ATP8B1: variants seen among roughly 807,000 people sequenced by gnomAD.
The protein encoded by ATP8B1 is ATPase phospholipid transporting 8B1.
Under a neutral mutation model 149.9 loss-of-function variants are expected in ATP8B1, and 80 were observed. The observed-to-expected ratio is 0.53, with a 90% CI of 0.45 to 0.64. ATP8B1 has a LOEUF of 0.64. Among genes scored for constraint, ATP8B1 ranks in the 30% least tolerant of loss-of-function variants. The pLI, the probability that ATP8B1 is intolerant of heterozygous loss-of-function variation, is 0.00. For missense variants in ATP8B1, 1,247 were observed against 1,552.6 expected, an observed-to-expected ratio of 0.80 and a Z score of 3.31; for synonymous variants, 536 against 562.8, an observed-to-expected ratio of 0.95 and a Z score of 0.67.
chr18:57,668,450 C>A lies in ATP8B1; in HGVS notation c.2188G>T (p.Val730Leu). ...KLAKADIKIW[V>L]LTGDKKETAE... ...TTACCCTTTTTGTCTCCAGTAAGCA[C>A]CCAGATCTTAATGTCAGCTTTTGCA... The change falls in exon 19 of 28, where the codon GTG becomes TTG. Residue 730 changes from valine (V) to leucine (L), a missense_variant. By Grantham distance (32) the Val-to-Leu change is conservative (BLOSUM62 1). This residue lies in a region of ATP8B1 where 853 missense variants were observed against 1,035.7 expected (regional missense o/e 0.82). Coordinates refer to ENST00000648908, the MANE Select transcript of ATP8B1 (RefSeq NM_001374385.1). 1 of 1,609,292 alleles carries A rather than the reference C, an allele frequency of 6.2e-7. No homozygotes were observed. The highest frequency in any genetic ancestry group is 8.5e-7 in the Non-Finnish European group (1 of 1,176,898).
intron 3 of ATP8B1, among the ~76,000 whole-genome samples, chr18:57,705,722 A>G (rs1913356819): frequency 6.6e-6 from 1 of 152,226 alleles, no homozygotes; most frequent in African/African-American, 2.4e-5. Flanking sequence ...GCCAACACCA[A>G]GATTTCAGAC....
At position 57,684,076 on chromosome 18, in the gene ATP8B1, C is replaced by G; in HGVS notation, c.1590G>C (p.Leu530Phe). 6.2e-7 allele frequency: 1 copy of G among 1,614,116 alleles called. No individual in the cohort carries two copies. The highest frequency in any genetic ancestry group is 8.5e-7 in the Non-Finnish European group (1 of 1,180,030). The change falls in exon 15 of 28, where the codon TTG (leucine) becomes TTC (phenylalanine). Residue 530 changes from leucine (L) to phenylalanine (F), a missense_variant. Physicochemically the swap from Leu to Phe is conservative, Grantham distance 22. Coordinates refer to ENST00000648908, the MANE Select transcript of ATP8B1 (RefSeq NM_001374385.1). The stretch of plus-strand genomic sequence containing the variant: ...CCATGACTGTGTGGCAAACTGCGAG[C>G]AAGAAGAAGAACTGTCGTACTTCTG... ...KEPEVRQFFF[L>F]LAVCHTVMVD...
At chr18:57,674,721 C>G in intron 16 of ATP8B1, 113 bp downstream of exon 16, 3 of 1,261,418 alleles carry the variant, frequency 2.4e-6, no homozygotes, top group African/African-American at 1.5e-5. Context: ...CAGAAATCTC[C>G]CAGGAGCCAA....
At position 57,733,502 on chromosome 18, in the gene ATP8B1, C is replaced by G. The variant is rs1266989823; in HGVS notation, c.-25-1670G>C. Among the ~76,000 whole-genome samples, 5 of 151,982 alleles carry G rather than the reference C, an allele frequency of 3.3e-5. No individual in the cohort carries two copies. The South Asian group carries it at 1.0e-3, about 32-fold the overall frequency. On this transcript the variant is annotated intron_variant, in intron 1 of 27. Transcript: ENST00000648908. ...TGGGCGGATCACGAGGTCAGGAGAT[C>G]GAGACCATCCTGGCTAACACAGTGA...
At chr18:57,668,694 C>T (rs1409922750) in intron 18 of ATP8B1, 154 bp from the exon 19 acceptor site, 24 of 585,930 alleles carry the variant, frequency 4.1e-5, no homozygotes, top group Non-Finnish European at 1.2e-5. Context: ...ACAGGGAAGG[C>T]TGCCATGTTT....
chr18:57,774,813 C>A (rs2080293182), intron 1 of ATP8B1, among the ~76,000 whole-genome samples: 1 of 152,164 alleles, frequency 6.6e-6, no homozygotes, highest in African/African-American at 2.4e-5. Flanking sequence ...TAAGCCCTCA[C>A]CTCTTTTGCC....
At chr18:57,739,584 T>A (rs2079890581) in intron 1 of ATP8B1, among the ~76,000 whole-genome samples, 1 of 152,180 alleles carries the variant, frequency 6.6e-6, no homozygotes. Flanking sequence ...TTCAATAAAG[T>A]CTTCAAGGGC....
chr18:57,705,272 T>C (rs970022520), intron 3 of ATP8B1, among the ~76,000 whole-genome samples: 2 of 152,208 alleles, frequency 1.3e-5, no homozygotes, highest in Admixed American at 1.3e-4. Flanking sequence ...AGGGTAAAGG[T>C]AGACAACAAC....
chr18:57,759,826 A>G (rs1171591663), intron 1 of ATP8B1, among the ~76,000 whole-genome samples: 1 of 57,326 alleles, frequency 1.7e-5, no homozygotes, highest in East Asian at 2.2e-4. Context: ...CTCGGGAAAG[A>G]AAAAAAAAAA....
chr18:57,765,772 G>C (rs982254516), intron 1 of ATP8B1, among the ~76,000 whole-genome samples: 2 of 151,750 alleles, frequency 1.3e-5, no homozygotes, highest in Non-Finnish European at 2.9e-5. Flanking sequence ...AGGAGTTAGA[G>C]ACCAGTCTGG....
intron 22 of ATP8B1, among the ~76,000 whole-genome samples, chr18:57,658,859 T>C (rs1910197808): frequency 6.6e-6 from 1 of 152,066 alleles, no homozygotes; most frequent in Non-Finnish European, 1.5e-5. Context: ...ATTGATGTGG[T>C]TGGAAGAAAT....
intron 1 of ATP8B1, among the ~76,000 whole-genome samples, chr18:57,764,757 CAAAAAAAAA>C (rs71171091): frequency 1.7e-3 from 172 of 104,156 alleles, no homozygotes; most frequent in Non-Finnish European, 2.7e-3. Context: ...TTTCAGTTGT[CAAAAAAAAA>C]AAAAAAAAAA....
intron 20 of ATP8B1, among the ~76,000 whole-genome samples, chr18:57,666,834 C>T (rs1309006421): frequency 2.0e-5 from 3 of 152,178 alleles, no homozygotes; most frequent in Non-Finnish European, 4.4e-5. Context: ...CTGCGCCTGG[C>T]CTGAGCTGAG....
chr18:57,665,456 A>G (rs1910788643), intron 20 of ATP8B1, among the ~76,000 whole-genome samples: 1 of 152,224 alleles, frequency 6.6e-6, no homozygotes. Flanking sequence ...AGCCCCATCT[A>G]CAAAAAATAA....
At chr18:57,798,836 G>A (rs1318403327) in intron 1 of ATP8B1, among the ~76,000 whole-genome samples, 5 of 152,136 alleles carry the variant, frequency 3.3e-5, no homozygotes, top group Non-Finnish European at 7.4e-5. Context: ...CAACAGTGTA[G>A]ATCGGAGACT....
chr18:57,720,529 G>A (rs1290965289), intron 2 of ATP8B1, among the ~76,000 whole-genome samples: 4 of 123,074 alleles, frequency 3.3e-5, no homozygotes, highest in Non-Finnish European at 6.8e-5. Context: ...AATGAAGCGA[G>A]AAGGGAACTT....
chr18:57,758,908 A>G (rs936587431), intron 1 of ATP8B1, among the ~76,000 whole-genome samples: 2 of 152,076 alleles, frequency 1.3e-5, no homozygotes, highest in African/African-American at 4.8e-5. Flanking sequence ...CTGTAATCCC[A>G]GCACTTTGGG....
At chr18:57,738,238 CT>C (rs1175416769) in intron 1 of ATP8B1, among the ~76,000 whole-genome samples, 1 of 152,242 alleles carries the variant, frequency 6.6e-6, no homozygotes, top group Non-Finnish European at 1.5e-5. Flanking sequence ...CAGTAAACAC[CT>C]GCAAGGTGCA....
intron 2 of ATP8B1, among the ~76,000 whole-genome samples, chr18:57,723,689 G>C (rs1385045176): frequency 1.9e-5 from 2 of 105,138 alleles, no homozygotes; most frequent in Non-Finnish European, 3.8e-5. Context: ...GTAATTTACA[G>C]ATTCAATGCC....
Sources: gnomAD v4.1 joint callset for allele counts (sites outside exome capture counted in the v4.1 genomes callset) on GRCh38, gnomAD v4.1.1 for gene constraint, gnomAD v4.1.1 regional missense constraint, MANE v1.5 for transcripts, NCBI Gene and HGNC (gene_info 2026-07-23, HGNC 2026-07-21) for gene names.